The following KBTBD2 variants were observed in gnomAD, a reference collection of about 807,000 sequenced individuals.
The protein encoded by KBTBD2 is kelch repeat and BTB domain-containing protein 2.
In KBTBD2, 17 loss-of-function variants were observed where a neutral mutation model predicts 57.1. The ratio of observed to expected loss-of-function variants is 0.30; its 90% CI spans 0.20 to 0.45. The LOEUF is 0.45. KBTBD2 is among the 20% of genes least tolerant of loss of function. The probability of loss-of-function intolerance (pLI) is 1.00; values close to 1 mark genes in which losing one functional copy is unlikely to be tolerated. For synonymous variants in KBTBD2, 267 were observed against 262.7 expected, an observed-to-expected ratio of 1.02 and a Z score of -0.16; for missense variants, 515 against 750.6, an observed-to-expected ratio of 0.69 and a Z score of 3.67.
intron 1 of KBTBD2, among the ~76,000 whole-genome samples, chr7:32,890,392 G>A (rs1200752379): frequency 2.6e-5 from 4 of 152,052 alleles, no homozygotes; most frequent in Admixed American, 2.0e-4. Context: ...AGAAAAAAAA[G>A]TCGGGGAAAA....
At chr7:32,890,199 A>G (rs1043288708) in intron 1 of KBTBD2, among the ~76,000 whole-genome samples, 3 of 152,228 alleles carry the variant, frequency 2.0e-5, no homozygotes, top group South Asian at 2.1e-4. Flanking sequence ...TTACTGACAG[A>G]AAACAACCTC....
intron 2 of KBTBD2, among the ~76,000 whole-genome samples, chr7:32,876,911 C>T (rs943547461): frequency 1.3e-5 from 2 of 152,056 alleles, no homozygotes; most frequent in Middle Eastern, 3.2e-3. Flanking sequence ...GAGCCAAGAT[C>T]GAGCCACTGC....
chr7:32,871,490 A>G (rs2127948169), intron 3 of KBTBD2, among the ~76,000 whole-genome samples: 1 of 152,324 alleles, frequency 6.6e-6, no homozygotes, highest in Admixed American at 6.5e-5. Flanking sequence ...AAGAAGGTAG[A>G]TCTCAGTTGA....
At chr7:32,877,431 G>C (rs1424542339) in intron 2 of KBTBD2, among the ~76,000 whole-genome samples, 1 of 152,152 alleles carries the variant, frequency 6.6e-6, no homozygotes, top group African/African-American at 2.4e-5. Context: ...AACTATAAAT[G>C]TTACCAAGAA....
At chr7:32,872,354 G>A (rs1425137210) in intron 3 of KBTBD2, among the ~76,000 whole-genome samples, 1 of 152,182 alleles carries the variant, frequency 6.6e-6, no homozygotes, top group Non-Finnish European at 1.5e-5. Context: ...TGTGGGTAGA[G>A]TAGAACACTA....
chr7:32,885,898 C>T (rs968195952), intron 1 of KBTBD2, among the ~76,000 whole-genome samples: 1 of 136,058 alleles, frequency 7.3e-6, no homozygotes, highest in African/African-American at 2.7e-5. Flanking sequence ...CTCTCCTCCA[C>T]TGTCTACACA....
In KBTBD2 at chr7:32,869,478, C is replaced by T. The variant is rs200619832; in HGVS notation, c.1739G>A (p.Arg580Gln). The T allele has an allele frequency of 4.6e-5, 74 of 1,614,088 alleles. No individual in the cohort carries two copies. The highest frequency in any genetic ancestry group is 3.0e-4 in the Admixed American group (18 of 60,010). Reference sequence around the variant, plus strand: ...TGGATAGAGTTTCCCCACAGTGCATCGAAAATCTCTCCCCAAGTCCCACAG... The same window carrying T: ...TGGATAGAGTTTCCCCACAGTGCATTGAAAATCTCTCCCCAAGTCCCACAG... ...RVLWDLGRDF[R>Q]CTVGKLYPSC... Residue 580 changes from arginine to glutamine, a missense_variant, in exon 4 of 4, where the codon CGA becomes CAA. Arg to Gln is a conservative substitution (Grantham distance 43, BLOSUM62 1). Coordinates refer to ENST00000304056, the MANE Select transcript of KBTBD2 (RefSeq NM_015483.3).
At chr7:32,885,690 GAATTA>G (rs1784561928) in intron 1 of KBTBD2, among the ~76,000 whole-genome samples, 1 of 151,990 alleles carries the variant, frequency 6.6e-6, no homozygotes, top group Non-Finnish European at 1.5e-5. Context: ...ACCAGCATAA[GAATTA>G]AATTGGAGTC....
rs1326538116 is a variant in KBTBD2 at position 32,869,882 on chromosome 7, C to G, written c.1335G>C (p.Arg445Ser). 1 of 1,613,758 alleles carries G rather than the reference C, an allele frequency of 6.2e-7. No individual in the cohort carries two copies. Among genetic ancestry groups the G allele is most frequent in the East Asian group, 2.2e-5 (1 of 44,874 alleles). Residue 445 changes from arginine (R) to serine (S), a missense_variant, in exon 4 of 4, where the codon AGG becomes AGC. Coordinates refer to ENST00000304056, the MANE Select transcript of KBTBD2 (RefSeq NM_015483.3). ...TGGCCATTTCTACCCATGAGTCAGA[C>G]CTTGGAAAATAACAGTACATGAGGT... ...TLNLMYCYFP[R>S]SDSWVEMAMR...
At position 32,870,231 on chromosome 7, in the gene KBTBD2, T is replaced by C; in HGVS notation, c.986A>G (p.Asn329Ser). The change falls in exon 4 of 4, where the codon AAC becomes AGC. Residue 329 changes from asparagine to serine, a missense_variant. By Grantham distance (46) the Asn-to-Ser change is conservative (BLOSUM62 1). Transcript: ENST00000304056. ...TGTTTTACTGTGATTTGTTTTTGTG[T>C]TTTTCAGAGGAACTTGACCCCCTGC... ...YIAGGQVPLK[N>S]TKTNHSKTSK... 3.1e-6 allele frequency: 5 copies of C among 1,614,146 alleles called. No individual in the cohort carries two copies. The highest frequency in any genetic ancestry group is 4.2e-6 in the Non-Finnish European group (5 of 1,180,024).
chr7:32,880,975 C>T (rs1008457537), intron 1 of KBTBD2, among the ~76,000 whole-genome samples: 1 of 151,986 alleles, frequency 6.6e-6, no homozygotes, highest in Non-Finnish European at 1.5e-5. Context: ...GTAGTGTGTG[C>T]CTGTAATCCC....
At chr7:32,874,952 CAG>C (rs760648031) in intron 3 of KBTBD2, 38 bp downstream of exon 3, 14 of 1,580,750 alleles carry the variant, frequency 8.9e-6, no homozygotes, top group African/African-American at 8.1e-5. Context: ...GCCTGGGCAA[CAG>C]AGAGAGACTC....
rs1326931366 is a variant in KBTBD2, at chr7:32,870,875, T to A, written c.342A>T (p.Glu114Asp). 1 of 1,544,294 alleles carries A rather than the reference T, an allele frequency of 6.5e-7. No homozygotes were observed. The highest frequency in any genetic ancestry group is 8.7e-7 in the Non-Finnish European group (1 of 1,152,928). ...ATTCTCGACAACGTTGTAACACATC[T>A]TCTACCTAGAATGAGAAGGAAAAAA... ...LYETACFLQV[E>D]DVLQRCREYL... The change falls in exon 4 of 4, where the codon GAA (glutamate) becomes GAT (aspartate). Residue 114 changes from glutamate (E) to aspartate (D), a missense_variant. By Grantham distance (45) the Glu-to-Asp change is conservative. Coordinates refer to ENST00000304056, the MANE Select transcript of KBTBD2 (RefSeq NM_015483.3).
chr7:32,872,792 AT>A (rs1384683391), intron 3 of KBTBD2, among the ~76,000 whole-genome samples: 1 of 152,234 alleles, frequency 6.6e-6, no homozygotes, highest in Non-Finnish European at 1.5e-5. Flanking sequence ...CAGAGTCTAG[AT>A]TTTTAGATTA....
intron 2 of KBTBD2, among the ~76,000 whole-genome samples, chr7:32,876,318 G>C (rs1409326926): frequency 6.6e-6 from 1 of 152,178 alleles, no homozygotes. Context: ...GGATAAAACA[G>C]GGTAGAACAT....
chr7:32,890,504 G>A (rs1173479683), intron 1 of KBTBD2, among the ~76,000 whole-genome samples: 1 of 152,204 alleles, frequency 6.6e-6, no homozygotes, highest in African/African-American at 2.4e-5. Context: ...TCAGAGGGAA[G>A]AGGGGGAAGA....
chr7:32,885,451 G>A (rs762011067), intron 1 of KBTBD2, among the ~76,000 whole-genome samples: 1 of 137,894 alleles, frequency 7.3e-6, no homozygotes, highest in Non-Finnish European at 1.5e-5. Context: ...CTTATCTAGT[G>A]TGAGTACCTT....
At chr7:32,884,960 A>G (rs113325691) in intron 1 of KBTBD2, among the ~76,000 whole-genome samples, 36 of 135,216 alleles carry the variant, frequency 2.7e-4, no homozygotes, top group African/African-American at 7.1e-4. Context: ...TTATATATAT[A>G]TGTGTGTATG....
In KBTBD2 at chr7:32,884,413, G is replaced by C. The variant is rs1051851108; in HGVS notation, c.-338-4471C>G. On this transcript the variant is annotated intron_variant, in intron 1 of 3. Transcript: ENST00000304056. ...TTTAAAAAAAAAAAAAAAAAGGCTG[G>C]GCACAGTGGCTCATACCTGTAATCC... Among the ~76,000 whole-genome samples the C allele has an allele frequency of 8.0e-5, 12 of 149,138 alleles. No individual in the cohort carries two copies. In the Admixed American group the frequency reaches 8.1e-4, roughly 10 times the overall value.
Sources: gnomAD v4.1 joint callset for allele counts (sites outside exome capture counted in the v4.1 genomes callset) on GRCh38, gnomAD v4.1.1 for gene constraint, MANE v1.5 for transcripts, NCBI Gene and HGNC (gene_info 2026-07-23, HGNC 2026-07-21) for gene names.